Variants in ZGLP1 observed in about 807,000 individuals in gnomAD.
The protein encoded by ZGLP1 is GATA-type zinc finger protein 1.
ZGLP1 carries 11 observed loss-of-function variants against 21.4 expected under a neutral mutation model. That is an observed-to-expected ratio of 0.51 (90% CI 0.32 to 0.85). The LOEUF (loss-of-function observed/expected upper bound fraction) is 0.85, where lower values mean the gene tolerates loss of function less well. Ranked by LOEUF, ZGLP1 falls within the 40% of genes least tolerant of loss-of-function variation. The probability of loss-of-function intolerance (pLI) is 0.03; values close to 1 mark genes in which losing one functional copy is unlikely to be tolerated. For missense variants in ZGLP1, 295 were observed against 355.6 expected (o/e 0.83, Z 1.37); for synonymous variants, 148 against 145.0 (o/e 1.02, Z -0.15).
chr19:10,307,568 G>A (rs1438768876), intron 1 of ZGLP1, among the ~76,000 whole-genome samples: 1 of 148,842 alleles, frequency 6.7e-6, no homozygotes, highest in Non-Finnish European at 1.5e-5. Context: ...AGGCTGGAGT[G>A]AGGTGGCGCT....
At chr19:10,308,720 T>C (rs757665942) in exon 1 of ZGLP1, 2 of 1,452,380 alleles carry the variant, frequency 1.4e-6, no homozygotes, top group Admixed American at 2.4e-5. Flanking sequence ...TTGCAGTAAT[T>C]GCAACTCACC....
chr19:10,308,981 G>A (rs777570957), exon 1 of ZGLP1: 50 of 254,340 alleles, frequency 2.0e-4, no homozygotes, highest in Non-Finnish European at 3.4e-4. Flanking sequence ...TCCTGGGCTC[G>A]ACCGATCCTT....
chr19:10,308,473 G>C, exon 1 of ZGLP1: 1 of 1,611,638 alleles, frequency 6.2e-7, no homozygotes, highest in Non-Finnish European at 8.5e-7. Context: ...CTGGGCAGGG[G>C]ACTGACCCAG....
chr19:10,305,491 G>A lies in ZGLP1; in HGVS notation c.605-8C>T, dbSNP rs1394654581. The A allele has an allele frequency of 6.3e-7, 1 of 1,588,144 alleles. No homozygotes were observed. Among genetic ancestry groups the A allele is most frequent in the South Asian group, 1.1e-5 (1 of 87,228 alleles). On this transcript the variant is annotated splice_region_variant and splice_polypyrimidine_tract_variant and intron_variant, in intron 2 of 3. Transcript: ENST00000403903. The surrounding 1 kb of genome is among the most constrained non-coding windows in gnomAD (Gnocchi z 4.7). ...AAGCACAGCGCCGGGGCTCTGAAGG[G>A]TCAGAGGTCAAAGGGCAGGGGTCAG... is the stretch of plus-strand genomic sequence containing the variant.
chr19:10,306,002 C>T, intron 1 of ZGLP1, 50 bp from the exon 3 acceptor site: 1 of 1,328,826 alleles, frequency 7.5e-7, no homozygotes, highest in Non-Finnish European at 1.0e-6. Flanking sequence ...TAGCTTGTCC[C>T]CAACAGCCCT....
chr19:10,308,082 C>T (rs1178492869), intron 1 of ZGLP1, 103 bp downstream of exon 2: 5 of 1,445,162 alleles, frequency 3.5e-6, no homozygotes, highest in Non-Finnish European at 3.7e-6. Flanking sequence ...ACGTAGAGCA[C>T]AGGTGAGGGT....
At chr19:10,309,132 C>G (rs573511998) in exon 1 of ZGLP1, 2 of 153,020 alleles carry the variant, frequency 1.3e-5, no homozygotes, top group African/African-American at 2.4e-5. Context: ...CTGGGGAGTG[C>G]CTACATCAGC....
rs371236140 is a variant in ZGLP1, at chr19:10,308,604, C to T, written c.78G>A (p.Pro26=). The T allele has an allele frequency of 2.4e-4, 370 of 1,552,188 alleles. 2 individuals are homozygous for T. In the African/African-American group the frequency reaches 4.6e-3, roughly 19 times the overall value. The change falls in exon 1 of 4, where the codon CCG becomes CCA. Residue 26 remains proline, a synonymous_variant. Transcript: ENST00000403903. The stretch of plus-strand genomic sequence containing the variant: ...TTCTTGGGTGACTCCTGGGTTTAGC[C>T]GGCCAGGGGGTTCCAACTTGGGCCG...
At chr19:10,307,635 C>T (rs1056579073) in intron 1 of ZGLP1, among the ~76,000 whole-genome samples, 1 of 152,100 alleles carries the variant, frequency 6.6e-6, no homozygotes, top group Admixed American at 6.6e-5. Flanking sequence ...CTGCCTCAGC[C>T]TCCTGAGCAG....
exon 1 of ZGLP1, chr19:10,308,514 G>C: frequency 1.9e-6 from 3 of 1,608,650 alleles, no homozygotes; most frequent in Non-Finnish European, 2.6e-6. Flanking sequence ...GGAAGCACAG[G>C]GCGGTGACCG....
rs923394049 is a variant in ZGLP1, at chr19:10,305,570, G to C, written c.605-87C>G. 13 of 1,226,198 alleles carry C rather than the reference G, an allele frequency of 1.1e-5. No individual in the cohort carries two copies. In the East Asian group the frequency reaches 2.8e-4, roughly 26 times the overall value. The allele number at this position is 1,226,198 out of a possible 1,614,324, so 76.0% of individuals were successfully genotyped here. The stretch of plus-strand genomic sequence containing the variant: ...GTGCGGAGTCGGGCATTTTGTGGGG[G>C]TCTCAGTAAAGGCCCCACCTAGCTC... On this transcript the variant is annotated intron_variant, in intron 2 of 3. Coordinates refer to ENST00000403903, the Ensembl canonical transcript of ZGLP1. This position sits in a 1 kb window ranked among gnomAD's most constrained non-coding sequence, Gnocchi z 4.7.
exon 4 of ZGLP1, chr19:10,304,890 C>A: frequency 1.7e-6 from 1 of 591,338 alleles, no homozygotes. Context: ...TCGGCCAAGG[C>A]TGACTGGAGA....
rs373825974 is a variant in ZGLP1 at position 10,305,080 on chromosome 19, T to C, written c.*11A>G. On this transcript the variant is annotated 3_prime_UTR_variant, in exon 4 of 4. Coordinates refer to ENST00000403903, the Ensembl canonical transcript of ZGLP1. This position sits in a 1 kb window ranked among gnomAD's most constrained non-coding sequence, Gnocchi z 4.7. The stretch of plus-strand genomic sequence containing the variant: ...AGGCAGAAGCAGCAGCTCAGCAGGG[T>C]GAAGCTGGGTTTAACCTTCCTGAAT... 1.9e-5 allele frequency: 30 copies of C among 1,598,446 alleles called. No homozygotes were observed. Among genetic ancestry groups the C allele is most frequent in the Non-Finnish European group, 2.6e-5 (30 of 1,166,024 alleles).
exon 1 of ZGLP1, chr19:10,308,843 A>C: frequency 7.8e-6 from 4 of 515,632 alleles, no homozygotes; most frequent in Non-Finnish European, 6.2e-6. Context: ...GCAGGATATC[A>C]AGCCTCTGGC....
chr19:10,305,109 G>C lies in ZGLP1; in HGVS notation c.798C>G (p.Asp266Glu). 1 of 1,613,782 alleles carries C rather than the reference G, an allele frequency of 6.2e-7. No individual in the cohort carries two copies. The highest frequency in any genetic ancestry group is 8.5e-7 in the Non-Finnish European group (1 of 1,179,704). ...GCTGGGTTTAACCTTCCTGAATGGG[G>C]TCCAGGGACACTCCACATCTGCCAC... Residue 266 changes from aspartate to glutamate, a missense_variant, in exon 4 of 4, where the codon GAC becomes GAG. Coordinates refer to ENST00000403903, the Ensembl canonical transcript of ZGLP1. The surrounding 1 kb of genome is among the most constrained non-coding windows in gnomAD (Gnocchi z 4.7).
exon 4 of ZGLP1, chr19:10,304,953 C>A: frequency 1.4e-6 from 1 of 696,896 alleles, no homozygotes; most frequent in Non-Finnish European, 2.4e-6. Context: ...GGTCTTCCCC[C>A]GGGATCCTTG....
At chr19:10,307,794 G>A (rs777818915) in intron 1 of ZGLP1, among the ~76,000 whole-genome samples, 3 of 152,232 alleles carry the variant, frequency 2.0e-5, no homozygotes, top group Non-Finnish European at 2.9e-5. Flanking sequence ...GGGATTATAG[G>A]CGTGAGCCAC....
intron 1 of ZGLP1, among the ~76,000 whole-genome samples, chr19:10,307,443 G>A (rs972919909): frequency 3.3e-5 from 5 of 151,204 alleles, no homozygotes; most frequent in African/African-American, 1.2e-4. Context: ...TCCACCTCCT[G>A]GGTTCAAGCG....
rs778780373 is a variant in ZGLP1 at position 10,305,341 on chromosome 19, G to T, written c.698+49C>A. On this transcript the variant is annotated intron_variant, in intron 3 of 3. Coordinates refer to ENST00000403903, the Ensembl canonical transcript of ZGLP1. The surrounding 1 kb of genome is among the most constrained non-coding windows in gnomAD (Gnocchi z 4.7). Reference sequence around the variant, plus strand: ...CCCACAGGCCATCCTGGTTACACGTGGACTGATTTGGGGACCCCCGCCCCA... The same window carrying T: ...CCCACAGGCCATCCTGGTTACACGTTGACTGATTTGGGGACCCCCGCCCCA... The T allele has an allele frequency of 6.5e-7, 1 of 1,546,866 alleles. No individual in the cohort carries two copies. The highest frequency in any genetic ancestry group is 1.2e-5 in the South Asian group (1 of 85,660).
Sources: allele counts gnomAD v4.1 joint callset (sites outside exome capture counted in the v4.1 genomes callset), GRCh38; gene constraint gnomAD v4.1.1; non-coding constraint Gnocchi (gnomAD v3.1); transcripts MANE v1.5; gene names NCBI Gene and HGNC (gene_info 2026-07-23, HGNC 2026-07-21).